Variants in CDYL observed in about 807,000 individuals in gnomAD.
The protein encoded by CDYL is chromodomain Y like, also known as chromodomain Y-like protein.
In CDYL, 8 loss-of-function variants were observed where a neutral mutation model predicts 47.3. That is an observed-to-expected ratio of 0.17 (90% CI 0.10 to 0.31). The LOEUF is 0.31. Ranked by LOEUF, CDYL falls within the 10% of genes least tolerant of loss-of-function variation. The probability of loss-of-function intolerance (pLI) is 1.00; values close to 1 mark genes in which losing one functional copy is unlikely to be tolerated. For synonymous variants in CDYL, 266 were observed against 265.0 expected, an observed-to-expected ratio of 1.00 and a Z score of -0.04; for missense variants, 471 against 701.4, an observed-to-expected ratio of 0.67 and a Z score of 3.71.
intron 1 of CDYL, among the ~76,000 whole-genome samples, chr6:4,865,355 C>G (rs1761291396): frequency 6.6e-6 from 1 of 152,218 alleles, no homozygotes; most frequent in African/African-American, 2.4e-5. Context: ...CGGTCCAACC[C>G]TAGCCAATAG....
At chr6:4,920,734 T>C (rs1355522582) in intron 2 of CDYL, among the ~76,000 whole-genome samples, 1 of 152,136 alleles carries the variant, frequency 6.6e-6, no homozygotes, top group African/African-American at 2.4e-5. Context: ...TTCTCCTGCC[T>C]CCGCCTCTGG....
At chr6:4,873,718 T>C (rs1207122517) in intron 1 of CDYL, among the ~76,000 whole-genome samples, 3 of 152,232 alleles carry the variant, frequency 2.0e-5, no homozygotes, top group Admixed American at 1.3e-4. Context: ...TGTGATAATA[T>C]ACAATTCTGT....
chr6:4,796,921 AT>A (rs1344311404), intron 1 of CDYL, among the ~76,000 whole-genome samples: 1 of 151,848 alleles, frequency 6.6e-6, no homozygotes, highest in African/African-American at 2.4e-5. Context: ...GGTATGAGAG[AT>A]TTTTCTACAT....
At chr6:4,767,285 A>G (rs1390254548) in intron 3 of CDYL, among the ~76,000 whole-genome samples, 1 of 151,914 alleles carries the variant, frequency 6.6e-6, no homozygotes, top group African/African-American at 2.4e-5. Flanking sequence ...TTAGAAAACT[A>G]GGATGGAGAC....
At chr6:4,869,791 G>A (rs1761423277) in intron 1 of CDYL, among the ~76,000 whole-genome samples, 1 of 152,040 alleles carries the variant, frequency 6.6e-6, no homozygotes, top group East Asian at 1.9e-4. Context: ...TGTGTTAAAT[G>A]TGCATAGTGT....
intron 1 of CDYL, among the ~76,000 whole-genome samples, chr6:4,709,956 C>G (rs1043537382): frequency 4.6e-5 from 7 of 152,222 alleles, no homozygotes; most frequent in Middle Eastern, 3.4e-3. Flanking sequence ...CACGGTGGCT[C>G]ATGCCTGTAA....
intron 1 of CDYL, among the ~76,000 whole-genome samples, chr6:4,875,888 C>T (rs190472401): frequency 2.0e-5 from 3 of 152,182 alleles, no homozygotes; most frequent in Admixed American, 2.0e-4. Flanking sequence ...TGGAGACATA[C>T]CCCTAAAAAT....
chr6:4,821,460 G>A (rs941093150), intron 1 of CDYL, among the ~76,000 whole-genome samples: 4 of 151,896 alleles, frequency 2.6e-5, no homozygotes, highest in Non-Finnish European at 4.4e-5. Context: ...GTGGCCCGGC[G>A]TGGTGGCTCA....
intron 1 of CDYL, among the ~76,000 whole-genome samples, chr6:4,884,997 A>AT (rs879404619): frequency 9.0e-4 from 136 of 150,590 alleles, no homozygotes; most frequent in Non-Finnish European, 1.5e-3. Flanking sequence ...ACTATTTATA[A>AT]TTTTTTTTTT....
At chr6:4,733,433 A>G (rs905163196) in intron 2 of CDYL, among the ~76,000 whole-genome samples, 4 of 152,216 alleles carry the variant, frequency 2.6e-5, no homozygotes, top group African/African-American at 7.2e-5. Flanking sequence ...AAAAAAAAAA[A>G]AAAGAAAAAA....
chr6:4,834,720 G>A (rs1353582564), intron 1 of CDYL, among the ~76,000 whole-genome samples: 2 of 152,074 alleles, frequency 1.3e-5, no homozygotes, highest in Non-Finnish European at 2.9e-5. Flanking sequence ...CCAGTCAGAC[G>A]TAGATTTGGT....
At chr6:4,883,805 T>TATC (rs1323359671) in intron 1 of CDYL, among the ~76,000 whole-genome samples, 1 of 152,184 alleles carries the variant, frequency 6.6e-6, no homozygotes, top group Non-Finnish European at 1.5e-5. Flanking sequence ...GGGCAGGTAT[T>TATC]ATCTCCCTTG....
intron 4 of CDYL, among the ~76,000 whole-genome samples, chr6:4,938,451 T>C (rs755316840): frequency 1.2e-4 from 19 of 152,208 alleles, no homozygotes; most frequent in Non-Finnish European, 2.6e-4. Flanking sequence ...TTAGACTTAC[T>C]TTTAAACTCA....
At chr6:4,756,389 A>G (rs1758074623) in intron 3 of CDYL, among the ~76,000 whole-genome samples, 2 of 152,022 alleles carry the variant, frequency 1.3e-5, no homozygotes, top group Admixed American at 1.3e-4. Flanking sequence ...TTGCTCACTC[A>G]GCCTTGCCTC....
intron 3 of CDYL, among the ~76,000 whole-genome samples, chr6:4,764,189 A>G (rs9504243): frequency 6.6e-6 from 1 of 152,238 alleles, no homozygotes; most frequent in Non-Finnish European, 1.5e-5. Context: ...TGTAAGAGAC[A>G]TGTAAAACTT....
intron 1 of CDYL, among the ~76,000 whole-genome samples, chr6:4,829,151 T>C (rs1015524934): frequency 4.0e-5 from 6 of 150,976 alleles, no homozygotes; most frequent in Non-Finnish European, 8.8e-5. Flanking sequence ...GTGGGGTTTT[T>C]GTTGTTGTTA....
Position 4,954,074 on chromosome 6 carries a change from G to T in CDYL, c.*18G>T. On this transcript the variant is annotated 3_prime_UTR_variant, in exon 7 of 7. Coordinates refer to ENST00000397588, the MANE Select transcript of CDYL (RefSeq NM_004824.4). The stretch of plus-strand genomic sequence containing the variant: ...AGTTCTGAGTGTCGGGCTGCCCACT[G>T]GTGACACCGGGATCGGGCTGAGCAG... 1 of 1,609,642 alleles carries T rather than the reference G, an allele frequency of 6.2e-7. No individual in the cohort carries two copies. Among genetic ancestry groups the T allele is most frequent in the South Asian group, 1.1e-5 (1 of 90,386 alleles).
chr6:4,779,074 T>G (rs1490486370), intron 1 of CDYL, among the ~76,000 whole-genome samples: 2 of 152,220 alleles, frequency 1.3e-5, no homozygotes, highest in African/African-American at 2.4e-5. Context: ...TGGCTTAAAA[T>G]GCCTCCCTGA....
chr6:4,734,164 C>T (rs1163247974), intron 2 of CDYL, among the ~76,000 whole-genome samples: 3 of 151,994 alleles, frequency 2.0e-5, no homozygotes, highest in African/African-American at 7.3e-5. Flanking sequence ...TCCCCTCTGG[C>T]GTTGTCGGGA....
Sources: allele counts gnomAD v4.1 joint callset (sites outside exome capture counted in the v4.1 genomes callset), GRCh38; gene constraint gnomAD v4.1.1; transcripts MANE v1.5; gene names NCBI Gene and HGNC (gene_info 2026-07-23, HGNC 2026-07-21).